Variants in PDE4D observed in about 807,000 individuals in gnomAD.
PDE4D encodes phosphodiesterase 4D, also known as 3',5'-cyclic-AMP phosphodiesterase 4D.
PDE4D carries 24 observed loss-of-function variants against 87.4 expected under a neutral mutation model. The observed-to-expected ratio is 0.27, with a 90% CI of 0.20 to 0.39. The LOEUF (loss-of-function observed/expected upper bound fraction) is 0.39, where lower values mean the gene tolerates loss of function less well. PDE4D is among the 10% of genes least tolerant of loss of function. The probability of loss-of-function intolerance (pLI) is 1.00; values close to 1 mark genes in which losing one functional copy is unlikely to be tolerated. For missense variants in PDE4D, 714 were observed against 1,041.0 expected (o/e 0.69, Z 4.32); for synonymous variants, 384 against 383.2 (o/e 1.00, Z -0.02).
At chr5:60,271,829 A>G (rs1750844364) in intron 1 of PDE4D, among the ~76,000 whole-genome samples, 1 of 152,228 alleles carries the variant, frequency 6.6e-6, no homozygotes, top group South Asian at 2.1e-4. Context: ...ACATGAAGTA[A>G]TTCAAAAGAA....
At chr5:60,029,894 T>A (rs1767037026) in intron 2 of PDE4D, among the ~76,000 whole-genome samples, 1 of 152,022 alleles carries the variant, frequency 6.6e-6, no homozygotes, top group Admixed American at 6.5e-5. Flanking sequence ...GGCCCCAGCA[T>A]CCCCCATCCT....
intron 1 of PDE4D, among the ~76,000 whole-genome samples, chr5:59,579,174 A>C (rs1208422728): frequency 6.6e-6 from 1 of 152,018 alleles, no homozygotes; most frequent in African/African-American, 2.4e-5. Flanking sequence ...TCTCCTTCTG[A>C]CTCCTGTAAC....
At chr5:60,425,213 C>T (rs1223506024) in intron 1 of PDE4D, among the ~76,000 whole-genome samples, 1 of 152,118 alleles carries the variant, frequency 6.6e-6, no homozygotes, top group African/African-American at 2.4e-5. Context: ...CAAAAAAGAG[C>T]CCACGTTGCC....
chr5:59,611,862 A>G (rs1037403564), intron 1 of PDE4D, among the ~76,000 whole-genome samples: 24 of 152,282 alleles, frequency 1.6e-4, no homozygotes, highest in African/African-American at 5.5e-4. Context: ...AGCCAAATCT[A>G]TCCACATCAC....
At chr5:59,302,976 GCTGTA>G (rs1164648443) in intron 1 of PDE4D, among the ~76,000 whole-genome samples, 8 of 152,098 alleles carry the variant, frequency 5.3e-5, no homozygotes, top group Non-Finnish European at 1.2e-4. Context: ...TCCCATAATG[GCTGTA>G]CTAGTTTGCA....
chr5:59,262,626 CTT>C lies in PDE4D; in HGVS notation c.456-46660_456-46659del, dbSNP rs749833060. Among the ~76,000 whole-genome samples the C allele has an allele frequency of 6.8e-4, 104 of 151,948 alleles. 1 individual carries two copies. Among genetic ancestry groups the C allele is most frequent in the Middle Eastern group, 3.4e-3 (1 of 294 alleles). On this transcript the variant is annotated intron_variant, in intron 1 of 14. Transcript: ENST00000340635. Reference sequence around the variant, plus strand: ...TTAGGGCTCCAGGACAAGCTTGTCACTTTGGTTCAGCATCCCTCCTGTGGAAT... The same window carrying C: ...TTAGGGCTCCAGGACAAGCTTGTCACTGGTTCAGCATCCCTCCTGTGGAAT...
At chr5:59,881,596 A>G (rs2152746179) in intron 1 of PDE4D, among the ~76,000 whole-genome samples, 1 of 152,306 alleles carries the variant, frequency 6.6e-6, no homozygotes, top group East Asian at 1.9e-4. Flanking sequence ...TTTTCTACTT[A>G]CTTTTAACAG....
intron 1 of PDE4D, among the ~76,000 whole-genome samples, chr5:59,649,931 T>TTTTTTTTTTTTTTTTTTTTTTTA (rs1474090994): frequency 7.1e-6 from 1 of 141,260 alleles, no homozygotes; most frequent in Non-Finnish European, 1.5e-5. Context: ...TTTTTTTTTT[T>TTTTTTTTTTTTTTTTTTTTTTTA]TAGCAATGAC....
chr5:59,734,544 A>G (rs1193257829), intron 1 of PDE4D, among the ~76,000 whole-genome samples: 1 of 152,138 alleles, frequency 6.6e-6, no homozygotes, highest in African/African-American at 2.4e-5. Flanking sequence ...AAATGTACAA[A>G]ATAATCTAAT....
At chr5:59,933,167 C>T (rs1281313558) in intron 3 of PDE4D, among the ~76,000 whole-genome samples, 1 of 152,178 alleles carries the variant, frequency 6.6e-6, no homozygotes, top group Non-Finnish European at 1.5e-5. Flanking sequence ...TGACCCTGCT[C>T]AGATTAATTC....
chr5:60,194,473 C>T (rs929175925), intron 1 of PDE4D, among the ~76,000 whole-genome samples: 2 of 151,454 alleles, frequency 1.3e-5, no homozygotes, highest in African/African-American at 4.8e-5. Context: ...TCAGCATTTC[C>T]CAAACATGAC....
At chr5:59,083,388 T>C (rs1272132247) in intron 5 of PDE4D, among the ~76,000 whole-genome samples, 6 of 152,118 alleles carry the variant, frequency 3.9e-5, no homozygotes, top group African/African-American at 1.4e-4. Flanking sequence ...TGAATTACTC[T>C]TCAGGTCAAG....
intron 1 of PDE4D, among the ~76,000 whole-genome samples, chr5:60,505,011 T>G (rs1458729044): frequency 6.6e-6 from 1 of 152,232 alleles, no homozygotes; most frequent in Non-Finnish European, 1.5e-5. Flanking sequence ...CTAAATAGAA[T>G]GAACATAAAT....
rs569001317 is a variant in PDE4D at position 60,056,643 on chromosome 5, G to A, written c.43-67926C>T. On this transcript the variant is annotated intron_variant, in intron 2 of 16. Coordinates refer to the PDE4D transcript ENST00000502484. ...TGATATATTTGCAAAGGGAAGTCAA[G>A]AGGCCCAAGTTCTGGGCTCTGCTCT... Among the ~76,000 whole-genome samples the A allele has an allele frequency of 7.2e-5, 11 of 152,134 alleles. No homozygotes were observed. In the South Asian group the frequency reaches 1.7e-3, roughly 23 times the overall value.
At chr5:59,857,864 AGAAGGAAGGAAGGTGG>A (rs1745672101) in intron 1 of PDE4D, among the ~76,000 whole-genome samples, 1 of 140,782 alleles carries the variant, frequency 7.1e-6, no homozygotes, top group African/African-American at 2.6e-5. Context: ...GAGGGAGAGC[AGAAGGAAGGAAGGTGG>A]GAAGGAAGGA....
intron 1 of PDE4D, among the ~76,000 whole-genome samples, chr5:59,397,360 C>T (rs1381471161): frequency 4.9e-5 from 6 of 121,718 alleles, no homozygotes; most frequent in Admixed American, 8.1e-5. Context: ...TGTAAAAGAA[C>T]AGAAATTATA....
chr5:60,021,643 A>C (rs1360656506), intron 2 of PDE4D: 1 of 152,194 alleles, frequency 6.6e-6, no homozygotes, highest in Non-Finnish European at 1.5e-5. Flanking sequence ...ACTGGATGAA[A>C]AGCTGAGGTC....
chr5:59,600,250 G>C (rs1032459705), intron 1 of PDE4D, among the ~76,000 whole-genome samples: 1 of 152,198 alleles, frequency 6.6e-6, no homozygotes, highest in African/African-American at 2.4e-5. Flanking sequence ...AGAGAGGGTA[G>C]GGTTGGACTC....
At chr5:59,318,443 C>T (rs1774133048) in intron 1 of PDE4D, among the ~76,000 whole-genome samples, 1 of 152,056 alleles carries the variant, frequency 6.6e-6, no homozygotes, top group Non-Finnish European at 1.5e-5. Flanking sequence ...AAGTTCTGTA[C>T]AATCTCCTTG....
Sources: gnomAD v4.1 joint callset for allele counts (sites outside exome capture counted in the v4.1 genomes callset) on GRCh38, gnomAD v4.1.1 for gene constraint, MANE v1.5 for transcripts, NCBI Gene and HGNC (gene_info 2026-07-23, HGNC 2026-07-21) for gene names.